Variants in XRCC4 observed in about 807,000 individuals in gnomAD.
The protein encoded by XRCC4 is DNA repair protein XRCC4.
XRCC4 carries 28 observed loss-of-function variants against 39.1 expected under a neutral mutation model. That is an observed-to-expected ratio of 0.72 (90% CI 0.53 to 0.98). The LOEUF is 0.98. Ranked by LOEUF, XRCC4 falls within the 50% of genes least tolerant of loss-of-function variation. The pLI is 0.00. For missense variants in XRCC4, 350 were observed against 376.4 expected (o/e 0.93, Z 0.58); for synonymous variants, 123 against 126.4 (o/e 0.97, Z 0.18).
intron 7 of XRCC4, among the ~76,000 whole-genome samples, chr5:83,286,746 A>T (rs757177319): frequency 5.3e-5 from 8 of 152,122 alleles, no homozygotes; most frequent in Non-Finnish European, 1.2e-4. Context: ...TAATCAGATG[A>T]CACATAAAAC....
chr5:83,208,284 A>C (rs1264725987), intron 6 of XRCC4, among the ~76,000 whole-genome samples: 2 of 151,982 alleles, frequency 1.3e-5, no homozygotes, highest in Non-Finnish European at 2.9e-5. Context: ...TGGGAATGAA[A>C]TTTCTTTTCA....
intron 3 of XRCC4, among the ~76,000 whole-genome samples, chr5:83,186,000 A>G (rs1750421649): frequency 6.6e-6 from 1 of 152,310 alleles, no homozygotes; most frequent in Admixed American, 6.5e-5. Context: ...GTATTAATTA[A>G]CTTCACTGAC....
chr5:83,272,130 C>A (rs1233591714), intron 7 of XRCC4, among the ~76,000 whole-genome samples: 1 of 152,180 alleles, frequency 6.6e-6, no homozygotes, highest in Non-Finnish European at 1.5e-5. Flanking sequence ...AGATATAATT[C>A]TATTTAACTC....
At chr5:83,152,413 C>G (rs1233115964) in intron 3 of XRCC4, among the ~76,000 whole-genome samples, 1 of 152,060 alleles carries the variant, frequency 6.6e-6, no homozygotes, top group Admixed American at 6.6e-5. Flanking sequence ...GCGGGTGGAT[C>G]ACGAGGTCAG....
intron 7 of XRCC4, among the ~76,000 whole-genome samples, chr5:83,289,249 T>C (rs922233799): frequency 6.6e-6 from 1 of 151,930 alleles, no homozygotes; most frequent in African/African-American, 2.4e-5. Flanking sequence ...CTTGAACATC[T>C]GTGTCATATT....
At chr5:83,110,495 G>C (rs772698889) in intron 2 of XRCC4, among the ~76,000 whole-genome samples, 5 of 152,018 alleles carry the variant, frequency 3.3e-5, no homozygotes, top group South Asian at 2.1e-4. Context: ...GGAGATGCTC[G>C]TACATTTTAG....
At chr5:83,129,366 T>C (rs1747442845) in intron 3 of XRCC4, among the ~76,000 whole-genome samples, 1 of 151,916 alleles carries the variant, frequency 6.6e-6, no homozygotes, top group South Asian at 2.1e-4. Flanking sequence ...CCATGCTGTT[T>C]TGGTTACTGT....
intron 7 of XRCC4, among the ~76,000 whole-genome samples, chr5:83,308,594 T>A (rs1407254943): frequency 6.6e-6 from 1 of 152,190 alleles, no homozygotes; most frequent in Non-Finnish European, 1.5e-5. Context: ...AAAATATTCC[T>A]CTTTACATTC....
intron 7 of XRCC4, among the ~76,000 whole-genome samples, chr5:83,316,016 T>C (rs1015678473): frequency 6.6e-6 from 1 of 152,114 alleles, no homozygotes; most frequent in Non-Finnish European, 1.5e-5. Context: ...CTGTTCTAGA[T>C]GCCATTAAGA....
At chr5:83,184,370 C>G (rs1420589448) in intron 3 of XRCC4, among the ~76,000 whole-genome samples, 1 of 151,402 alleles carries the variant, frequency 6.6e-6, no homozygotes, top group Non-Finnish European at 1.5e-5. Flanking sequence ...TGCCTTTTAA[C>G]CAATCATGCT....
At position 83,295,261 on chromosome 5, in the gene XRCC4, G is replaced by A. The variant is rs556923806; in HGVS notation, c.893+36584G>A. Reference sequence around the variant, plus strand: ...ACTACCAGTATGGAACATGTTTTCTGAAACACTGTCCTCCTAAGTGTTTCT... The same window carrying A: ...ACTACCAGTATGGAACATGTTTTCTAAAACACTGTCCTCCTAAGTGTTTCT... On this transcript the variant is annotated intron_variant, in intron 7 of 7. Coordinates refer to ENST00000396027, the MANE Select transcript of XRCC4 (RefSeq NM_003401.5). Among the ~76,000 whole-genome samples the A allele has an allele frequency of 1.1e-4, 16 of 151,866 alleles. No homozygotes were observed. The East Asian group carries it at 3.1e-3, about 29-fold the overall frequency.
At chr5:83,313,085 T>C (rs1755761587) in intron 7 of XRCC4, among the ~76,000 whole-genome samples, 1 of 149,948 alleles carries the variant, frequency 6.7e-6, no homozygotes. Context: ...TTCTTTCTTT[T>C]TTTTTTTTTT....
chr5:83,344,136 A>T (rs1033841235), intron 7 of XRCC4, among the ~76,000 whole-genome samples: 3 of 151,090 alleles, frequency 2.0e-5, no homozygotes, highest in African/African-American at 7.3e-5. Context: ...GATCTCACAC[A>T]CACACACACA....
chr5:83,331,075 T>C (rs967318265), intron 7 of XRCC4, among the ~76,000 whole-genome samples: 4 of 152,124 alleles, frequency 2.6e-5, no homozygotes, highest in Admixed American at 2.6e-4. Context: ...TCTGATGCTG[T>C]GTGCCCTCCT....
intron 6 of XRCC4, among the ~76,000 whole-genome samples, chr5:83,250,646 G>A (rs1463177465): frequency 6.6e-6 from 1 of 150,590 alleles, no homozygotes; most frequent in Non-Finnish European, 1.5e-5. Context: ...CAGATTTGCT[G>A]TTTGAGTTCG....
chr5:83,359,612 G>A, the XRCC4 span, among the ~76,000 whole-genome samples: 1 of 152,064 alleles, frequency 6.6e-6, no homozygotes, highest in African/African-American at 2.4e-5. Context: ...AGAAATCACT[G>A]CCTCCTTTTC....
At chr5:83,362,316 A>AAAAAAAAAC in the XRCC4 span, among the ~76,000 whole-genome samples, 1 of 146,044 alleles carries the variant, frequency 6.8e-6, no homozygotes, top group African/African-American at 2.8e-5. Context: ...AAAAAAAAAA[A>AAAAAAAAAC]AACTATCTCA....
intron 3 of XRCC4, among the ~76,000 whole-genome samples, chr5:83,151,960 T>A (rs1399600609): frequency 1.3e-5 from 2 of 152,210 alleles, no homozygotes; most frequent in Non-Finnish European, 2.9e-5. Context: ...CACTACAGAC[T>A]TGGGACTTTA....
chr5:83,331,737 G>C (rs192321215), intron 7 of XRCC4, among the ~76,000 whole-genome samples: 227 of 152,202 alleles, frequency 1.5e-3, no homozygotes, highest in Non-Finnish European at 1.6e-3. Flanking sequence ...CTTTGAAATG[G>C]AGGTGATAGA....
Sources: gnomAD v4.1 joint callset for allele counts (sites outside exome capture counted in the v4.1 genomes callset) on GRCh38, gnomAD v4.1.1 for gene constraint, MANE v1.5 for transcripts, NCBI Gene and HGNC (gene_info 2026-07-23, HGNC 2026-07-21) for gene names.